Variants in DHX32 observed in about 807,000 individuals in gnomAD.
DHX32 encodes putative pre-mRNA-splicing factor ATP-dependent RNA helicase DHX32.
DHX32 carries 51 observed loss-of-function variants against 70.0 expected under a neutral mutation model. The ratio of observed to expected loss-of-function variants is 0.73; its 90% confidence interval spans 0.58 to 0.92. The LOEUF is 0.92. Among genes scored for constraint, DHX32 ranks in the 40% least tolerant of loss-of-function variants. The pLI, the probability that DHX32 is intolerant of heterozygous loss-of-function variation, is 0.00. For synonymous variants in DHX32, 310 were observed against 315.3 expected, an observed-to-expected ratio of 0.98 and a Z score of 0.18; for missense variants, 762 against 891.8, an observed-to-expected ratio of 0.85 and a Z score of 1.85.
chr10:125,843,084 A>G (rs1271728505), intron 6 of DHX32, among the ~76,000 whole-genome samples: 1 of 152,064 alleles, frequency 6.6e-6, no homozygotes, highest in African/African-American at 2.4e-5. Context: ...GTATAGCAAT[A>G]CAGGTCACAC....
At chr10:125,876,147 T>C (rs1451703516) in intron 1 of DHX32, among the ~76,000 whole-genome samples, 2 of 152,214 alleles carry the variant, frequency 1.3e-5, no homozygotes, top group Non-Finnish European at 2.9e-5. Flanking sequence ...ACATGAGGAC[T>C]GTTTTCCACA....
intron 2 of DHX32, among the ~76,000 whole-genome samples, chr10:125,861,174 G>A (rs1944185743): frequency 6.6e-6 from 1 of 152,138 alleles, no homozygotes. Flanking sequence ...GCTAGCATTT[G>A]GGAACTTAGA....
intron 3 of DHX32, 48 bp from the exon 4 acceptor site, chr10:125,854,251 C>T: frequency 6.6e-7 from 1 of 1,513,216 alleles, no homozygotes; most frequent in Non-Finnish European, 8.8e-7. Flanking sequence ...CAAACAACAT[C>T]ACTATTAAAA....
upstream of DHX32, among the ~76,000 whole-genome samples, chr10:125,886,019 A>G (rs1162011887): frequency 6.6e-6 from 1 of 152,158 alleles, no homozygotes; most frequent in East Asian, 1.9e-4. Context: ...AGGACCAACA[A>G]TCACTGTATG....
chr10:125,843,507 G>A (rs1453821184), intron 6 of DHX32, among the ~76,000 whole-genome samples: 1 of 152,078 alleles, frequency 6.6e-6, no homozygotes, highest in African/African-American at 2.4e-5. Context: ...AGCTACTCGG[G>A]AGGTTGAGGC....
intron 1 of DHX32, among the ~76,000 whole-genome samples, chr10:125,877,479 G>A (rs1302585350): frequency 6.6e-6 from 1 of 152,122 alleles, no homozygotes; most frequent in Non-Finnish European, 1.5e-5. Flanking sequence ...TTGAGCCCAG[G>A]AGTTCGAGAC....
At chr10:125,848,473 C>T (rs770969058) in intron 6 of DHX32, among the ~76,000 whole-genome samples, 9 of 152,194 alleles carry the variant, frequency 5.9e-5, no homozygotes, top group Non-Finnish European at 1.3e-4. Flanking sequence ...CACATGGCCA[C>T]CCAGCTGTTT....
At chr10:125,887,445 G>C (rs1944346464) in intron 1 of DHX32, among the ~76,000 whole-genome samples, 1 of 152,182 alleles carries the variant, frequency 6.6e-6, no homozygotes, top group African/African-American at 2.4e-5. Context: ...GTTCAAAGAT[G>C]AGATAGGGGC....
In DHX32 at chr10:125,859,727, G is replaced by A. The variant is rs753510109; in HGVS notation, c.725C>T (p.Pro242Leu). 3.1e-6 allele frequency: 5 copies of A among 1,613,980 alleles called. No homozygotes were observed. Among genetic ancestry groups the A allele is most frequent in the East Asian group, 2.2e-5 (1 of 44,868 alleles). Residue 242 changes from proline (P) to leucine (L), a missense_variant, in exon 3 of 11, where the codon CCT becomes CTT. By Grantham distance (98) the Pro-to-Leu change is moderately conservative. Around this residue, in one of 3 missense-constraint regions of DHX32, gnomAD observed 394 missense variants for 473.1 expected, o/e 0.83. Coordinates refer to ENST00000284690, the MANE Select transcript of DHX32 (RefSeq NM_018180.3). The stretch of plus-strand genomic sequence containing the variant: ...CTCACTAAGGTACACAACCTCCACA[G>A]GGTGTTTATTTTTCACTTCTATGAC... Reference protein sequence around the residue: ...VPVIEVKNKHPVEVVYLSEAQ... With the variant: ...VPVIEVKNKHLVEVVYLSEAQ...
Position 125,861,357 on chromosome 10 carries a change from A to C in DHX32, c.477-1382T>G, listed in dbSNP as rs1944187211. ...CTAAAAATACAAAAAATTAGCCGGG[A>C]GTAGTGGCGGGCGCCTGTAGTACCA... On this transcript the variant is annotated intron_variant, in intron 2 of 10. Coordinates refer to ENST00000284690, the MANE Select transcript of DHX32 (RefSeq NM_018180.3). Among the ~76,000 whole-genome samples the C allele has an allele frequency of 3.9e-5, 6 of 152,044 alleles. No homozygotes were observed. The South Asian group carries it at 1.3e-3, about 32-fold the overall frequency.
At chr10:125,870,292 A>C (rs1300036650) in intron 1 of DHX32, among the ~76,000 whole-genome samples, 1 of 152,128 alleles carries the variant, frequency 6.6e-6, no homozygotes, top group East Asian at 1.9e-4. Flanking sequence ...GTAGTTGCAG[A>C]ATTTCAGTAC....
intron 7 of DHX32, 107 bp downstream of exon 7, chr10:125,841,636 C>T (rs928142683): frequency 6.7e-7 from 1 of 1,493,068 alleles, no homozygotes; most frequent in Non-Finnish European, 8.8e-7. Flanking sequence ...GAGTTGATCA[C>T]TATCTCTGCT....
chr10:125,836,580 G>A lies in DHX32; in HGVS notation c.*107C>T, dbSNP rs1391084746. 14 of 1,423,618 alleles carry A rather than the reference G, an allele frequency of 9.8e-6. No individual in the cohort carries two copies. Among genetic ancestry groups the A allele is most frequent in the East Asian group, 4.7e-5 (2 of 42,218 alleles). The allele number at this position is 1,423,618 out of a possible 1,614,324, so 88.2% of individuals were successfully genotyped here. A position where few individuals can be genotyped will look rare whatever the true frequency, so the allele number is the denominator to read the frequency against. On this transcript the variant is annotated 3_prime_UTR_variant, in exon 11 of 11. Transcript: ENST00000284690. ...ACACAGTGTTATTTTCTTCAAGACC[G>A]TCCTGTGGATGTGAAATCCGTCTTC...
upstream of DHX32, among the ~76,000 whole-genome samples, chr10:125,885,492 T>C (rs546865801): frequency 1.3e-5 from 2 of 152,224 alleles, no homozygotes; most frequent in East Asian, 3.9e-4. Context: ...GTCGGAGAGA[T>C]GCAATGTTGT....
At chr10:125,854,913 TAAGG>T (rs1944132541) in intron 3 of DHX32, 1 of 152,110 alleles carries the variant, frequency 6.6e-6, no homozygotes, top group African/African-American at 2.4e-5. Flanking sequence ...CTCCACATAT[TAAGG>T]AAGGATTGTT....
At chr10:125,871,786 T>G (rs1944257007) in intron 1 of DHX32, among the ~76,000 whole-genome samples, 1 of 152,174 alleles carries the variant, frequency 6.6e-6, no homozygotes, top group Non-Finnish European at 1.5e-5. Flanking sequence ...AAAGAACTCT[T>G]GCCTTCTCTG....
chr10:125,838,587 C>G (rs988845892), intron 9 of DHX32, among the ~76,000 whole-genome samples, 200 bp from the exon 10 acceptor site: 1 of 152,150 alleles, frequency 6.6e-6, no homozygotes, highest in Non-Finnish European at 1.5e-5. Flanking sequence ...GTGATGTTAA[C>G]TAACTTCAGC....
chr10:125,887,155 TCTTC>T (rs1944344944), intron 1 of DHX32, among the ~76,000 whole-genome samples: 1 of 152,156 alleles, frequency 6.6e-6, no homozygotes, highest in Non-Finnish European at 1.5e-5. Context: ...ATCTAATAGG[TCTTC>T]TGTGTCTTCA....
intron 10 of DHX32, among the ~76,000 whole-genome samples, chr10:125,837,223 A>AT (rs1854720428): frequency 6.6e-6 from 1 of 152,110 alleles, no homozygotes; most frequent in Admixed American, 6.5e-5. Flanking sequence ...TTTGCTTCTT[A>AT]TTTTAACTAG....
Sources: allele counts gnomAD v4.1 joint callset (sites outside exome capture counted in the v4.1 genomes callset), GRCh38; gene constraint gnomAD v4.1.1; regional missense constraint gnomAD v4.1.1; transcripts MANE v1.5; gene names NCBI Gene and HGNC (gene_info 2026-07-23, HGNC 2026-07-21).